The following MAP4K5 variants were observed in gnomAD, a reference collection of about 807,000 sequenced individuals.
The protein encoded by MAP4K5 is mitogen-activated protein kinase kinase kinase kinase 5.
Under a neutral mutation model 135.6 loss-of-function variants are expected in MAP4K5, and 82 were observed. That is an observed-to-expected ratio of 0.60 (90% CI 0.51 to 0.73). MAP4K5 has a LOEUF of 0.73. Among genes scored for constraint, MAP4K5 ranks in the 30% least tolerant of loss-of-function variants. The pLI is 0.00. For missense variants in MAP4K5, 907 were observed against 1,010.9 expected (o/e 0.90, Z 1.39); for synonymous variants, 347 against 335.0 (o/e 1.04, Z -0.39).
Position 50,429,094 on chromosome 14 carries a change from TAGTAAAAAC to T in MAP4K5, c.2233+89_2233+97del, listed in dbSNP as rs1043246787. The T allele has an allele frequency of 5.3e-6, 4 of 752,946 alleles. No homozygotes were observed. The African/African-American group carries it at 7.2e-5, about 14-fold the overall frequency. 46.6% of individuals were successfully genotyped at this position (752,946 alleles called of 1,614,324 possible). A position where few individuals can be genotyped will look rare whatever the true frequency, so the allele number is the denominator to read the frequency against. ...AATTACACATGATAAGTAACATTTT[TAGTAAAAAC>T]AGTAAAAATCTTGAATTATGGTTTA... On this transcript the variant is annotated intron_variant, in intron 29 of 32. Coordinates refer to ENST00000682126, the MANE Select transcript of MAP4K5 (RefSeq NM_006575.6).
intron 9 of MAP4K5, chr14:50,472,265 A>AT (rs1354801584): frequency 6.6e-6 from 1 of 152,604 alleles, no homozygotes; most frequent in Non-Finnish European, 1.5e-5. Context: ...AAGACATGCG[A>AT]TAAAGCCTTC....
rs988790370 is a variant in MAP4K5, at chr14:50,541,701, T to C, written c.-94+798A>G. ...TGCAACCCCAGTAGGAGAATCCCAATGCAGACCCCTAGGATTTTGGTATAA... is the reference window on the plus strand; with the variant it reads ...TGCAACCCCAGTAGGAGAATCCCAACGCAGACCCCTAGGATTTTGGTATAA... On this transcript the variant is annotated intron_variant, in intron 2 of 8. Transcript: ENST00000555216. Among the ~76,000 whole-genome samples the C allele has an allele frequency of 3.9e-5, 6 of 152,146 alleles. No individual in the cohort carries two copies. The East Asian group carries it at 1.2e-3, about 29-fold the overall frequency.
chr14:50,512,171 C>G (rs960302238), intron 2 of MAP4K5, among the ~76,000 whole-genome samples: 4 of 152,058 alleles, frequency 2.6e-5, no homozygotes, highest in African/African-American at 9.7e-5. Context: ...ATTCTATGTA[C>G]TATGTGCTTT....
chr14:50,461,775 C>T (rs2036716719), intron 13 of MAP4K5, among the ~76,000 whole-genome samples: 1 of 151,924 alleles, frequency 6.6e-6, no homozygotes, highest in Non-Finnish European at 1.5e-5. Flanking sequence ...AAAAATTAGC[C>T]GAGCGTGGTA....
At chr14:50,532,184 G>C in intron 1 of MAP4K5, 26 bp from the exon 2 acceptor site, 2 of 621,998 alleles carry the variant, frequency 3.2e-6, no homozygotes, top group South Asian at 3.9e-5. Flanking sequence ...GCAAAGGCTG[G>C]TTGGCGTCGC....
Position 50,427,284 on chromosome 14 carries a change from C to A in MAP4K5, c.2327-1307G>T, listed in dbSNP as rs534336894. On this transcript the variant is annotated intron_variant, in intron 30 of 32. Coordinates refer to ENST00000682126, the MANE Select transcript of MAP4K5 (RefSeq NM_006575.6). The stretch of plus-strand genomic sequence containing the variant: ...ATTAAGGATTCCTATGTCAGAATCT[C>A]TCTCAAAAATGTTAAATCCAAATTG... Among the ~76,000 whole-genome samples the A allele has an allele frequency of 2.6e-5, 4 of 152,302 alleles. 1 individual carries two copies. The South Asian group carries it at 8.3e-4, about 32-fold the overall frequency.
intron 2 of MAP4K5, among the ~76,000 whole-genome samples, chr14:50,529,786 G>A (rs188508598): frequency 2.1e-4 from 32 of 152,228 alleles, no homozygotes; most frequent in Admixed American, 1.2e-3. Context: ...ACGAAGAGAG[G>A]AAATAGCAAG....
In MAP4K5 at chr14:50,437,496, C is replaced by A; in HGVS notation, c.1862G>T (p.Gly621Val). ...ALTTKIPDTK[G>V]CHKCCIVRNP... Reference sequence around the variant, plus strand: ...CTCACCTATGCAACATTTGTGGCAGCCTTTTGTATCAGGAATCTTTGTTGT... The same window carrying A: ...CTCACCTATGCAACATTTGTGGCAGACTTTTGTATCAGGAATCTTTGTTGT... The change falls in exon 26 of 33, where the codon GGC becomes GTC. Residue 621 changes from glycine to valine, a missense_variant. Transcript: ENST00000682126. 6.2e-7 allele frequency: 1 copy of A among 1,602,244 alleles called. No homozygotes were observed. The highest frequency in any genetic ancestry group is 1.1e-5 in the South Asian group (1 of 88,410).
upstream of MAP4K5, among the ~76,000 whole-genome samples, chr14:50,537,148 A>G (rs2038503771): frequency 6.6e-6 from 1 of 152,196 alleles, no homozygotes; most frequent in South Asian, 2.1e-4. Context: ...TGCTGTGTGC[A>G]GCCTAGAGAC....
intron 2 of MAP4K5, among the ~76,000 whole-genome samples, chr14:50,512,908 A>AT (rs2037959531): frequency 6.6e-6 from 1 of 152,168 alleles, no homozygotes; most frequent in African/African-American, 2.4e-5. Flanking sequence ...ATCCTGCATT[A>AT]TGTTTATAAA....
chr14:50,533,105 T>C, upstream of MAP4K5: 1 of 152,546 alleles, frequency 6.6e-6, no homozygotes, highest in Non-Finnish European at 1.5e-5. Flanking sequence ...ACTGCACACC[T>C]GCACAACCTG....
At chr14:50,428,419 C>A (rs111869720) in intron 30 of MAP4K5, among the ~76,000 whole-genome samples, 1 of 142,982 alleles carries the variant, frequency 7.0e-6, no homozygotes, top group Admixed American at 7.2e-5. Flanking sequence ...GCATGCCCAG[C>A]TAATTTTAGT....
At chr14:50,550,437 C>T (rs756200797) in intron 1 of MAP4K5, among the ~76,000 whole-genome samples, 6 of 152,198 alleles carry the variant, frequency 3.9e-5, no homozygotes, top group Non-Finnish European at 5.9e-5. Flanking sequence ...ACTACAGCAG[C>T]GGTCAGCCAC....
At chr14:50,492,716 C>T (rs558946986) in intron 3 of MAP4K5, among the ~76,000 whole-genome samples, 25 of 152,132 alleles carry the variant, frequency 1.6e-4, no homozygotes, top group African/African-American at 5.8e-4. Flanking sequence ...AAGTTAATAT[C>T]CAGAATATGT....
upstream of MAP4K5, among the ~76,000 whole-genome samples, chr14:50,534,652 A>T (rs1469430237): frequency 6.6e-6 from 1 of 152,266 alleles, no homozygotes; most frequent in African/African-American, 2.4e-5. Flanking sequence ...CTAGAGGCAG[A>T]TAGCATGGAA....
intron 14 of MAP4K5, among the ~76,000 whole-genome samples, chr14:50,454,671 A>G (rs1318288397): frequency 1.3e-5 from 2 of 152,108 alleles, no homozygotes; most frequent in African/African-American, 4.8e-5. Context: ...TTTTGGGCTA[A>G]TATTATGGAA....
intron 14 of MAP4K5, among the ~76,000 whole-genome samples, chr14:50,453,595 A>C (rs2036538514): frequency 6.6e-6 from 1 of 152,168 alleles, no homozygotes; most frequent in South Asian, 2.1e-4. Flanking sequence ...AATCACTGAC[A>C]CAGAGAAACA....
intron 19 of MAP4K5, 80 bp downstream of exon 19, chr14:50,443,859 C>T: frequency 6.8e-7 from 1 of 1,468,310 alleles, no homozygotes; most frequent in Non-Finnish European, 9.4e-7. Context: ...ACTTGAATTA[C>T]TGAATTAAAC....
intron 1 of MAP4K5, 123 bp downstream of exon 1, chr14:50,532,325 T>G: frequency 2.6e-5 from 9 of 352,420 alleles, no homozygotes; most frequent in Middle Eastern, 7.7e-4. Context: ...TCTGCGGCCC[T>G]TCCCCCTCCC....
Sources: allele counts gnomAD v4.1 joint callset (sites outside exome capture counted in the v4.1 genomes callset), GRCh38; gene constraint gnomAD v4.1.1; transcripts MANE v1.5; gene names NCBI Gene and HGNC (gene_info 2026-07-23, HGNC 2026-07-21).